Variants in TTN observed in about 807,000 individuals in gnomAD.
TTN encodes the protein connectin.
Under a neutral mutation model 3,223.0 loss-of-function variants are expected in TTN, and 1,525 were observed. That is an observed-to-expected ratio of 0.47 (90% CI 0.45 to 0.49). The LOEUF (loss-of-function observed/expected upper bound fraction) is 0.49, where lower values mean the gene tolerates loss of function less well. TTN is among the 20% of genes least tolerant of loss of function. The pLI is 0.00. For missense variants in TTN, 40,786 were observed against 43,424.0 expected (o/e 0.94, Z 5.40); for synonymous variants, 14,094 against 15,161.0 (o/e 0.93, Z 5.17).
rs1271436308 is a variant in TTN at position 178,534,244 on chromosome 2, C to T, written c.102371G>A (p.Ser34124Asn). Residue 34124 changes from serine (S) to asparagine (N), a missense_variant, in exon 358 of 363, where the codon AGT (serine) becomes AAT (asparagine). Physicochemically the swap from Ser to Asn is conservative, Grantham distance 46. Transcript: ENST00000589042. ...GGAIRSQKGVSVAKVKVASIE... is the reference protein window; with the variant it reads ...GGAIRSQKGVNVAKVKVASIE... ...GGATGCCACTTTAACTTTAGCAACA[C>T]TCACTCCCTTCTGAGATCGAATTGC... 6.2e-6 allele frequency: 10 copies of T among 1,613,874 alleles called. No individual in the cohort carries two copies. Among genetic ancestry groups the T allele is most frequent in the Non-Finnish European group, 8.5e-6 (10 of 1,179,876 alleles).
chr2:178,778,642 T>C, intron 24 of TTN: 1 of 565,914 alleles, frequency 1.8e-6, no homozygotes, highest in Non-Finnish European at 3.1e-6. Context: ...GCTATTGTGA[T>C]ATTAGCTATA....
chr2:178,590,245 T>C lies in TTN; in HGVS notation c.61480A>G (p.Ile20494Val). ...CCTTTGACTCGAGCTAGAATGCGGA[T>C]AGTTTGGCCTACTCTCACGGTAATA... ...DVITVRVGQT[I>V]RILARVKGRP... The change falls in exon 304 of 363, where the codon ATC (isoleucine) becomes GTC (valine). Residue 20494 changes from isoleucine (I) to valine (V), a missense_variant. Physicochemically the swap from Ile to Val is conservative, Grantham distance 29 (BLOSUM62 3). Coordinates refer to ENST00000589042, the MANE Select transcript of TTN (RefSeq NM_001267550.2). 1.3e-6 allele frequency: 2 copies of C among 1,586,476 alleles called. No homozygotes were observed. Among genetic ancestry groups the C allele is most frequent in the Non-Finnish European group, 1.7e-6 (2 of 1,166,528 alleles).
Position 178,774,051 on chromosome 2 carries a change from C to G in TTN, c.7117G>C (p.Val2373Leu). The G allele has an allele frequency of 6.2e-7, 1 of 1,614,066 alleles. No individual in the cohort carries two copies. Among genetic ancestry groups the G allele is most frequent in the South Asian group, 1.1e-5 (1 of 91,078 alleles). The change falls in exon 31 of 363, where the codon GTT (valine) becomes CTT (leucine). Residue 2373 changes from valine to leucine, a missense_variant. Val to Leu is a conservative substitution (Grantham distance 32). Coordinates refer to ENST00000589042, the MANE Select transcript of TTN (RefSeq NM_001267550.2). ...SDQKVCEGDIVQLEVKVSLES... is the reference protein window; with the variant it reads ...SDQKVCEGDILQLEVKVSLES... ...AAGGAGACTTTAACTTCAAGCTGAA[C>G]AATGTCACCCTCACAGACTTTTTGG...
chr2:178,784,407 C>G, intron 15 of TTN, 56 bp from the exon 16 acceptor site: 1 of 1,594,322 alleles, frequency 6.3e-7, no homozygotes, highest in Non-Finnish European at 8.6e-7. Flanking sequence ...CGATGGCTAG[C>G]CCTCTTGGAC....
Position 178,545,543 on chromosome 2 carries a change from C to G in TTN, c.95567G>C (p.Arg31856Pro). 2 of 1,613,740 alleles carry G rather than the reference C, an allele frequency of 1.2e-6. No homozygotes were observed. Among genetic ancestry groups the G allele is most frequent in the Non-Finnish European group, 1.7e-6 (2 of 1,179,720 alleles). The change falls in exon 344 of 363, where the codon CGT (arginine) becomes CCT (proline). Residue 31856 changes from arginine (R) to proline (P), a missense_variant. Coordinates refer to ENST00000589042, the MANE Select transcript of TTN (RefSeq NM_001267550.2). ...ATACACCACATAGTCTTTGTTGACA[C>G]GTGTCCAGCGCAGGCTCTTCTTCTC... ...KREKKSLRWT[R>P]VNKDYVVYDT...
At chr2:178,796,339 T>A (rs1206476590) in intron 6 of TTN, among the ~76,000 whole-genome samples, 2 of 152,222 alleles carry the variant, frequency 1.3e-5, no homozygotes, top group African/African-American at 4.8e-5. Context: ...CTTGTCACTA[T>A]CTAGGATATT....
intron 278 of TTN, among the ~76,000 whole-genome samples, chr2:178,606,403 G>A (rs996562437): frequency 2.0e-5 from 3 of 151,848 alleles, no homozygotes; most frequent in African/African-American, 7.2e-5. Context: ...GATGGTGAAG[G>A]AATAAGTTCT....
intron 133 of TTN, 110 bp downstream of exon 133, chr2:178,683,889 C>T: frequency 2.8e-6 from 2 of 718,976 alleles, no homozygotes; most frequent in African/African-American, 1.8e-5. Flanking sequence ...ACTTATATTG[C>T]TTACTTTATA....
intron 117 of TTN, 31 bp from the exon 118 acceptor site, chr2:178,694,039 C>CT (rs35426858): frequency 4.0e-5 from 62 of 1,544,622 alleles, no homozygotes; most frequent in East Asian, 1.1e-4. Context: ...ATTAGTATTC[C>CT]TTTTTTTTAG....
At chr2:178,647,253 A>G (rs1351480587) in intron 214 of TTN, 109 bp from the exon 215 acceptor site, 3 of 1,230,650 alleles carry the variant, frequency 2.4e-6, no homozygotes, top group Non-Finnish European at 1.1e-6. Context: ...ATAACAGATT[A>G]TTCAGATGAC....
Position 178,776,140 on chromosome 2 carries a change from A to G in TTN, c.5724T>C (p.Gly1908=). ...GATTTTCCGCGGTGACCTTCACTTC[A>G]CCTGTGTCATATGATTTGCAGTCCA... ...DIVDCKSYDT[G]EVKVTAENPE... The change falls in exon 28 of 363, where the codon GGT becomes GGC. Residue 1908 remains glycine, a synonymous_variant. Transcript: ENST00000589042. The G allele has an allele frequency of 1.2e-6, 2 of 1,614,024 alleles. No individual in the cohort carries two copies. The highest frequency in any genetic ancestry group is 1.7e-6 in the Non-Finnish European group (2 of 1,179,988).
Position 178,533,669 on chromosome 2 carries a change from A to G in TTN, c.102946T>C (p.Tyr34316His). ...KYTFESDKGL[Y>H]QLTINSVTTD... Reference sequence around the variant, plus strand: ...GTGACACTGTTGATTGTTAATTGGTAAAGACCCTTGTCTGACTCAAATGTG... The same window carrying G: ...GTGACACTGTTGATTGTTAATTGGTGAAGACCCTTGTCTGACTCAAATGTG... The change falls in exon 358 of 363, where the codon TAC becomes CAC. Residue 34316 changes from tyrosine to histidine, a missense_variant. Coordinates refer to ENST00000589042, the MANE Select transcript of TTN (RefSeq NM_001267550.2). 1 of 1,613,968 alleles carries G rather than the reference A, an allele frequency of 6.2e-7. No homozygotes were observed. The highest frequency in any genetic ancestry group is 8.5e-7 in the Non-Finnish European group (1 of 1,179,872).
chr2:178,613,986 A>G (rs1281314754), intron 262 of TTN, 49 bp from the exon 263 acceptor site: 1 of 1,609,056 alleles, frequency 6.2e-7, no homozygotes, highest in Admixed American at 1.7e-5. Context: ...GTATATAAAT[A>G]TGACACCAAA....
rs969673021 is a variant in TTN at position 178,652,637 on chromosome 2, A to G, written c.39043+16T>C. 26 of 1,612,852 alleles carry G rather than the reference A, an allele frequency of 1.6e-5. No homozygotes were observed. Among genetic ancestry groups the G allele is most frequent in the Non-Finnish European group, 1.3e-5 (15 of 1,179,496 alleles). On this transcript the variant is annotated intron_variant, in intron 201 of 362. Transcript: ENST00000589042. ...AAGAGATAGATCTTCTGACGCTTAA[A>G]CTCAATGACAAATACCTTTAACAGG...
intron 287 of TTN, 34 bp downstream of exon 287, chr2:178,601,231 A>G (rs961828188): frequency 6.6e-7 from 1 of 1,519,070 alleles, no homozygotes; most frequent in Non-Finnish European, 8.8e-7. Flanking sequence ...TTCAATTTTG[A>G]GAAGATATTT....
At chr2:178,641,649 T>G (rs928224101) in intron 219 of TTN, among the ~76,000 whole-genome samples, 1 of 151,858 alleles carries the variant, frequency 6.6e-6, no homozygotes, top group Non-Finnish European at 1.5e-5. Context: ...AATGATTTAA[T>G]GAGTATGTAA....
At chr2:178,769,230 A>G (rs1029727519) in intron 37 of TTN, among the ~76,000 whole-genome samples, 2 of 151,314 alleles carry the variant, frequency 1.3e-5, no homozygotes, top group African/African-American at 2.4e-5. Flanking sequence ...GTGTAACCAC[A>G]TACTAGATGT....
Position 178,636,559 on chromosome 2 carries a change from C to T in TTN, c.41168G>A (p.Gly13723Asp). 1.9e-6 allele frequency: 3 copies of T among 1,613,458 alleles called. No individual in the cohort carries two copies. Among genetic ancestry groups the T allele is most frequent in the Non-Finnish European group, 2.5e-6 (3 of 1,179,604 alleles). The part of the protein sequence containing the change: ...STAITTWMKD[G>D]SNIRESPKHR... ...CTTGGGACTCTCACGGATATTGCTACCGTCTTTCATCCAGGTTGTAATTGC... is the reference window on the plus strand; with the variant it reads ...CTTGGGACTCTCACGGATATTGCTATCGTCTTTCATCCAGGTTGTAATTGC... Residue 13723 changes from glycine to aspartate, a missense_variant, in exon 225 of 363, where the codon GGT (glycine) becomes GAT (aspartate). Gly to Asp is a moderately conservative substitution (Grantham distance 94). Coordinates refer to ENST00000589042, the MANE Select transcript of TTN (RefSeq NM_001267550.2). This position sits in a 1 kb window ranked among gnomAD's most constrained non-coding sequence, Gnocchi z 4.3.
chr2:178,691,885 C>T, intron 121 of TTN, 131 bp downstream of exon 121: 1 of 651,070 alleles, frequency 1.5e-6, no homozygotes, highest in South Asian at 3.9e-5. Flanking sequence ...CGGAAGCTGA[C>T]AAACAGTAAA....
Sources: allele counts gnomAD v4.1 joint callset (sites outside exome capture counted in the v4.1 genomes callset), GRCh38; gene constraint gnomAD v4.1.1; non-coding constraint Gnocchi (gnomAD v3.1); transcripts MANE v1.5; gene names NCBI Gene and HGNC (gene_info 2026-07-23, HGNC 2026-07-21).